Variants in CPSF3 observed in about 807,000 individuals in gnomAD.
CPSF3 encodes the protein cleavage and polyadenylation specificity factor subunit 3.
In CPSF3, 57 loss-of-function variants were observed where a neutral mutation model predicts 84.1. The observed-to-expected ratio is 0.68, with a 90% CI of 0.55 to 0.85. The LOEUF is 0.85. CPSF3 is among the 40% of genes least tolerant of loss of function. CPSF3 has a pLI of 0.00. For missense variants in CPSF3, 522 were observed against 838.8 expected (o/e 0.62, Z 4.66); for synonymous variants, 275 against 278.1 (o/e 0.99, Z 0.11).
At chr2:9,467,613 A>G in intron 15 of CPSF3, 94 bp from the exon 16 acceptor site, 1 of 860,866 alleles carries the variant, frequency 1.2e-6, no homozygotes. Flanking sequence ...TATTCACTTT[A>G]ACTTATCAGT....
intron 1 of CPSF3, 46 bp from the exon 2 acceptor site, chr2:9,428,719 T>G: frequency 7.2e-7 from 1 of 1,380,980 alleles, no homozygotes; most frequent in Non-Finnish European, 1.0e-6. Context: ...TGGACTTGGT[T>G]TTGATTTTTT....
At chr2:9,445,406 A>G (rs1324618374) in intron 10 of CPSF3, among the ~76,000 whole-genome samples, 1 of 152,186 alleles carries the variant, frequency 6.6e-6, no homozygotes, top group Non-Finnish European at 1.5e-5. Flanking sequence ...GTGAAGTGGT[A>G]TCTCGTTGTG....
intron 17 of CPSF3, 43 bp from the exon 18 acceptor site, chr2:9,472,873 T>C (rs377506864): frequency 1.6e-6 from 2 of 1,257,524 alleles, no homozygotes; most frequent in Non-Finnish European, 2.3e-6. Context: ...ATATAATCAT[T>C]ATAGACTTAA....
In CPSF3 at chr2:9,423,664, C is replaced by T. The variant is rs1680195362; in HGVS notation, c.-110C>T. The T allele has an allele frequency of 2.9e-6, 4 of 1,398,154 alleles. No homozygotes were observed. Among genetic ancestry groups the T allele is most frequent in the African/African-American group, 2.9e-5 (2 of 69,182 alleles). The allele number at this position is 1,398,154 out of a possible 1,614,324, so 86.6% of individuals were successfully genotyped here. ...GGGCTCCGGAGTGACGGAAGTTGTG[C>T]TCTTGGTGAATGGGGTTCTTCCTTT... On this transcript the variant is annotated 5_prime_UTR_variant, in exon 1 of 18. Transcript: ENST00000238112.
rs753183078 is a variant in CPSF3, at chr2:9,428,847, C to G, written c.114+19C>G. 29 of 1,443,472 alleles carry G rather than the reference C, an allele frequency of 2.0e-5. No individual in the cohort carries two copies. The Middle Eastern group carries it at 1.2e-3, about 61-fold the overall frequency. 89.4% of individuals were successfully genotyped at this position (1,443,472 alleles called of 1,614,324 possible). On this transcript the variant is annotated intron_variant, in intron 2 of 17. Transcript: ENST00000238112. ...AATAATGGTAATTACTATTTTTGTA[C>G]TCAGTTTAATAGTATGGCTCTGTCT...
At chr2:9,426,664 C>T (rs1470718961) in intron 1 of CPSF3, among the ~76,000 whole-genome samples, 1 of 152,062 alleles carries the variant, frequency 6.6e-6, no homozygotes, top group African/African-American at 2.4e-5. Flanking sequence ...ACAGGAAAGC[C>T]AGCAAGACAA....
chr2:9,431,012 C>A, intron 4 of CPSF3, 132 bp downstream of exon 4: 1 of 669,830 alleles, frequency 1.5e-6, no homozygotes, highest in Non-Finnish European at 2.5e-6. Flanking sequence ...TTTCATCATT[C>A]ATTAACAAGG....
At chr2:9,429,881 A>G in intron 2 of CPSF3, 42 bp from the exon 3 acceptor site, 2 of 1,339,740 alleles carry the variant, frequency 1.5e-6, no homozygotes, top group South Asian at 2.6e-5. Context: ...AATTTTAATA[A>G]AATGTGCAGG....
At chr2:9,428,735 C>T in intron 1 of CPSF3, 30 bp from the exon 2 acceptor site, 1 of 1,509,920 alleles carries the variant, frequency 6.6e-7, no homozygotes, top group Non-Finnish European at 9.2e-7. Flanking sequence ...TTTTTTTAAT[C>T]CTTCTTTTTC....
chr2:9,460,252 AC>A (rs1452264879), intron 15 of CPSF3, among the ~76,000 whole-genome samples: 3 of 151,870 alleles, frequency 2.0e-5, no homozygotes, highest in African/African-American at 7.3e-5. Context: ...ACACGGTGAA[AC>A]CTCGTCTCTA....
In CPSF3 at chr2:9,443,652, G is replaced by T. The variant is rs143074563; in HGVS notation, c.1233G>T (p.Pro411=). 38 of 1,613,802 alleles carry T rather than the reference G, an allele frequency of 2.4e-5. No individual in the cohort carries two copies. The highest frequency in any genetic ancestry group is 8.3e-5 in the Admixed American group (5 of 59,914). ...GTGAATTTATTCGTGCTTTGAAACCGCCTCATGTGGTTAGTCTATGAATTT... is the reference window on the plus strand; with the variant it reads ...GTGAATTTATTCGTGCTTTGAAACCTCCTCATGTGGTTAGTCTATGAATTT... ...QTSEFIRALK[P]PHVILVHGEQ... The change falls in exon 10 of 18, where the codon CCG becomes CCT. Residue 411 remains proline (P), a synonymous_variant. Transcript: ENST00000238112.
At chr2:9,459,466 G>A in intron 14 of CPSF3, 65 bp from the exon 15 acceptor site, 1 of 966,522 alleles carries the variant, frequency 1.0e-6, no homozygotes, top group Non-Finnish European at 1.7e-6. Flanking sequence ...GTGGGTTGTA[G>A]TTGTAGCCTT....
intron 7 of CPSF3, among the ~76,000 whole-genome samples, chr2:9,437,656 C>G (rs915880887): frequency 6.6e-6 from 1 of 152,122 alleles, no homozygotes; most frequent in Admixed American, 6.5e-5. Flanking sequence ...ACCTCACATT[C>G]GGTGATTCTA....
rs772700545 is a variant in CPSF3 at position 9,432,048 on chromosome 2, C to G, written c.342-463C>G. ...CGTCCTTAACCACTGTTCTCTCTTG[C>G]TTTTTTGTAAGTACATTAACATAAT... On this transcript the variant is annotated intron_variant, in intron 4 of 17. Coordinates refer to ENST00000238112, the MANE Select transcript of CPSF3 (RefSeq NM_016207.4). Among the ~76,000 whole-genome samples, 75 of 152,154 alleles carry G rather than the reference C, an allele frequency of 4.9e-4. 1 individual carries two copies. Among genetic ancestry groups the G allele is most frequent in the Non-Finnish European group, 5.9e-5 (4 of 68,036 alleles).
intron 10 of CPSF3, among the ~76,000 whole-genome samples, chr2:9,444,985 T>C (rs150444830): frequency 5.1e-4 from 77 of 152,280 alleles, no homozygotes; most frequent in Middle Eastern, 3.4e-3. Flanking sequence ...GTTTTTTAAA[T>C]ACGTTTTACT....
At chr2:9,425,539 G>T (rs1680358310) in intron 1 of CPSF3, among the ~76,000 whole-genome samples, 1 of 152,158 alleles carries the variant, frequency 6.6e-6, no homozygotes, top group South Asian at 2.1e-4. Flanking sequence ...ATGCAAATGA[G>T]ATCTTCAGGA....
At chr2:9,468,242 A>G (rs1203237686) in intron 16 of CPSF3, among the ~76,000 whole-genome samples, 4 of 151,938 alleles carry the variant, frequency 2.6e-5, no homozygotes, top group Admixed American at 1.3e-4. Flanking sequence ...TTTTATTTCT[A>G]TTTTTGGGAG....
chr2:9,436,774 A>AAAAAAATAAATAAAAAATAAT lies in CPSF3; in HGVS notation c.760+415_760+416insAAAATAAATAAAAAATAATAA, dbSNP rs139337028. On this transcript the variant is annotated intron_variant, in intron 7 of 17. Coordinates refer to ENST00000238112, the MANE Select transcript of CPSF3 (RefSeq NM_016207.4). ...CGACAGAGCGAGACTCCATCTCAAA[A>AAAAAAATAAATAAAAAATAAT]AATAATAATAATAATAATAATAGGG... Among the ~76,000 whole-genome samples, 157 of 143,000 alleles carry AAAAAAATAAATAAAAAATAAT rather than the reference A, an allele frequency of 1.1e-3. 3 individuals are homozygous for AAAAAAATAAATAAAAAATAAT. Among genetic ancestry groups the AAAAAAATAAATAAAAAATAAT allele is most frequent in the Non-Finnish European group, 1.3e-3 (84 of 65,554 alleles). 93.8% of individuals were successfully genotyped at this position (143,000 alleles called of 152,430 possible). A position where few individuals can be genotyped will look rare whatever the true frequency, so the allele number is the denominator to read the frequency against.
chr2:9,434,052 T>A, intron 6 of CPSF3, 92 bp downstream of exon 6: 6 of 747,312 alleles, frequency 8.0e-6, no homozygotes, highest in South Asian at 7.0e-5. Context: ...TTTCATAATA[T>A]GTTATTGGAT....
Sources: gnomAD v4.1 joint callset for allele counts (sites outside exome capture counted in the v4.1 genomes callset) on GRCh38, gnomAD v4.1.1 for gene constraint, MANE v1.5 for transcripts, NCBI Gene and HGNC (gene_info 2026-07-23, HGNC 2026-07-21) for gene names.